Variants in SPAG16 observed in about 807,000 individuals in gnomAD.
The protein encoded by SPAG16 is sperm-associated antigen 16 protein.
SPAG16 carries 86 observed loss-of-function variants against 80.4 expected under a neutral mutation model. That is an observed-to-expected ratio of 1.07 (90% CI 0.90 to 1.28). The LOEUF (loss-of-function observed/expected upper bound fraction) is 1.28, where lower values mean the gene tolerates loss of function less well. Ranked by LOEUF, SPAG16 falls within the 50% of genes most tolerant of loss-of-function variation. The pLI, the probability that SPAG16 is intolerant of heterozygous loss-of-function variation, is 0.00. For missense variants in SPAG16, 870 were observed against 765.3 expected, an observed-to-expected ratio of 1.14 and a Z score of -1.61; for synonymous variants, 294 against 265.9, an observed-to-expected ratio of 1.11 and a Z score of -1.03.
At chr2:213,816,242 G>A (rs530276387) in intron 10 of SPAG16, among the ~76,000 whole-genome samples, 6 of 152,194 alleles carry the variant, frequency 3.9e-5, no homozygotes, top group South Asian at 2.1e-4. Flanking sequence ...ATTACATGCC[G>A]TTGTAGTTTG....
chr2:213,700,364 T>G (rs994081048), intron 10 of SPAG16, among the ~76,000 whole-genome samples: 2 of 152,194 alleles, frequency 1.3e-5, no homozygotes, highest in African/African-American at 2.4e-5. Flanking sequence ...AATCTCCTTT[T>G]AAAATGTATG....
At chr2:213,764,240 G>GCTTTC in intron 10 of SPAG16, among the ~76,000 whole-genome samples, 1 of 151,898 alleles carries the variant, frequency 6.6e-6, no homozygotes, top group Non-Finnish European at 1.5e-5. Flanking sequence ...TGCCTTTTAG[G>GCTTTC]AGTAATTTTC....
chr2:214,138,533 AT>A (rs1227375034), intron 14 of SPAG16, among the ~76,000 whole-genome samples: 4 of 152,130 alleles, frequency 2.6e-5, no homozygotes, highest in Non-Finnish European at 5.9e-5. Context: ...AATTTGGCAT[AT>A]TTGAGGACCA....
At chr2:213,319,797 C>A (rs1359499178) in intron 5 of SPAG16, among the ~76,000 whole-genome samples, 1 of 151,820 alleles carries the variant, frequency 6.6e-6, no homozygotes, top group Non-Finnish European at 1.5e-5. Flanking sequence ...TGTTTAATAG[C>A]AATAATACGA....
intron 10 of SPAG16, among the ~76,000 whole-genome samples, chr2:213,810,589 C>T (rs1319788710): frequency 6.6e-6 from 1 of 152,050 alleles, no homozygotes; most frequent in African/African-American, 2.4e-5. Flanking sequence ...TCAGCTAATA[C>T]ATAAGATAAT....
chr2:213,999,103 C>CA (rs2046665507), intron 12 of SPAG16, among the ~76,000 whole-genome samples: 1 of 152,166 alleles, frequency 6.6e-6, no homozygotes, highest in Non-Finnish European at 1.5e-5. Context: ...GCATAAGTAA[C>CA]AACGAGGGGA....
At chr2:214,250,172 A>G (rs528157028) in intron 15 of SPAG16, 2 of 152,302 alleles carry the variant, frequency 1.3e-5, no homozygotes, top group East Asian at 1.9e-4. Context: ...CCCAACTGCA[A>G]GAAAGTCTGT....
intron 6 of SPAG16, among the ~76,000 whole-genome samples, chr2:213,344,621 C>T (rs2064870642): frequency 6.6e-6 from 1 of 152,068 alleles, no homozygotes; most frequent in Non-Finnish European, 1.5e-5. Flanking sequence ...TGAGTGAGAA[C>T]ATGCGGTGTT....
chr2:214,409,625 A>T (rs1306999152), intron 15 of SPAG16, among the ~76,000 whole-genome samples: 1 of 152,186 alleles, frequency 6.6e-6, no homozygotes, highest in African/African-American at 2.4e-5. Flanking sequence ...CTTCAAAAAA[A>T]TTTGTTGAGT....
In SPAG16 at chr2:214,312,112, T is replaced by C. The variant is rs76616428; in HGVS notation, c.1721-98028T>C. Reference sequence around the variant, plus strand: ...AAAAAATATTTTACATGGGTTTTAGTGTGTGAATCATTTCCTTTGTGATGA... The same window carrying C: ...AAAAAATATTTTACATGGGTTTTAGCGTGTGAATCATTTCCTTTGTGATGA... On this transcript the variant is annotated intron_variant, in intron 15 of 15. Transcript: ENST00000331683. Among the ~76,000 whole-genome samples, 1,311 of 152,308 alleles carry C rather than the reference T, an allele frequency of 8.6e-3. 24 individuals are homozygous for C. The highest frequency in any genetic ancestry group is 0.03 in the African/African-American group (1,253 of 41,568).
At chr2:214,371,048 C>T (rs547763476) in intron 15 of SPAG16, among the ~76,000 whole-genome samples, 83 of 152,250 alleles carry the variant, frequency 5.5e-4, no homozygotes, top group African/African-American at 1.9e-3. Flanking sequence ...GGGATTTTCA[C>T]TTTAATGGAG....
chr2:213,430,324 G>A (rs1437807471), intron 9 of SPAG16, among the ~76,000 whole-genome samples: 1 of 152,096 alleles, frequency 6.6e-6, no homozygotes, highest in Non-Finnish European at 1.5e-5. Flanking sequence ...AAATGAAGAA[G>A]GCCTTTGAGA....
intron 3 of SPAG16, among the ~76,000 whole-genome samples, chr2:213,308,092 C>G (rs1034272470): frequency 1.3e-5 from 2 of 152,102 alleles, no homozygotes; most frequent in Admixed American, 1.3e-4. Context: ...TTAGAGACTT[C>G]TTGCCAATGC....
chr2:213,865,059 G>C (rs975856142), intron 11 of SPAG16, among the ~76,000 whole-genome samples: 1 of 151,960 alleles, frequency 6.6e-6, no homozygotes, highest in African/African-American at 2.4e-5. Context: ...AAGACTTCAA[G>C]GTATCTCTCT....
chr2:213,710,083 C>T (rs6751454), intron 10 of SPAG16, among the ~76,000 whole-genome samples: 1 of 151,688 alleles, frequency 6.6e-6, no homozygotes, highest in South Asian at 2.1e-4. Flanking sequence ...GATGGAGACT[C>T]TCCTGGCTAA....
chr2:214,108,399 G>T, intron 14 of SPAG16, 138 bp downstream of exon 14: 1 of 498,392 alleles, frequency 2.0e-6, no homozygotes, highest in Non-Finnish European at 3.5e-6. Context: ...TAAACAATAG[G>T]AAAAGTCTAT....
At chr2:213,334,076 A>T (rs1435194093) in intron 5 of SPAG16, among the ~76,000 whole-genome samples, 1 of 152,216 alleles carries the variant, frequency 6.6e-6, no homozygotes, top group Non-Finnish European at 1.5e-5. Context: ...CTCATCTGAT[A>T]AGATTAATAA....
At chr2:213,669,597 C>T (rs542706734) in intron 10 of SPAG16, among the ~76,000 whole-genome samples, 7 of 152,204 alleles carry the variant, frequency 4.6e-5, no homozygotes, top group Middle Eastern at 3.4e-3. Context: ...GAAAAAACAC[C>T]TTGAAAATCT....
chr2:214,364,327 T>C (rs566313967), intron 15 of SPAG16, among the ~76,000 whole-genome samples: 3 of 152,124 alleles, frequency 2.0e-5, no homozygotes, highest in African/African-American at 7.2e-5. Flanking sequence ...GTTGTACTTG[T>C]ACAAATAGCT....
Sources: allele counts gnomAD v4.1 joint callset (sites outside exome capture counted in the v4.1 genomes callset), GRCh38; gene constraint gnomAD v4.1.1; transcripts MANE v1.5; gene names NCBI Gene and HGNC (gene_info 2026-07-23, HGNC 2026-07-21).